PBX3: variants seen among roughly 807,000 people sequenced by gnomAD.
PBX3 encodes the protein PBX homeobox 3, also known as pre-B-cell leukemia transcription factor 3.
A neutral mutation model predicts 48.5 loss-of-function variants in PBX3; 14 were observed. The observed-to-expected ratio is 0.29, with a 90% confidence interval of 0.19 to 0.45. The LOEUF (loss-of-function observed/expected upper bound fraction) is 0.45, where lower values mean the gene tolerates loss of function less well. Among genes scored for constraint, PBX3 ranks in the 20% least tolerant of loss-of-function variants. The pLI is 1.00. For synonymous variants in PBX3, 210 were observed against 200.3 expected (o/e 1.05, Z -0.41); for missense variants, 386 against 546.7 (o/e 0.71, Z 2.93).
intron 2 of PBX3, among the ~76,000 whole-genome samples, chr9:125,773,813 T>A (rs566335991): frequency 6.6e-6 from 1 of 152,334 alleles, no homozygotes; most frequent in South Asian, 2.1e-4. Flanking sequence ...GCAGTGTATA[T>A]TTGTTCTATT....
intron 2 of PBX3, among the ~76,000 whole-genome samples, chr9:125,778,402 C>T (rs942478800): frequency 2.6e-5 from 4 of 151,994 alleles, no homozygotes; most frequent in Non-Finnish European, 4.4e-5. Context: ...GGATTACAGG[C>T]GCCTGCCACC....
Position 125,915,974 on chromosome 9 carries a change from C to T in PBX3, c.516+47C>T, listed in dbSNP as rs1285959976. 3.8e-6 allele frequency: 6 copies of T among 1,596,758 alleles called. No individual in the cohort carries two copies. In the Admixed American group the frequency reaches 8.4e-5, roughly 22 times the overall value. ...AGTCCTACACAAACCCTCTGTTGCTCTTCTATTAGACCATGCTAACCAATT... is the reference window on the plus strand; with the variant it reads ...AGTCCTACACAAACCCTCTGTTGCTTTTCTATTAGACCATGCTAACCAATT... On this transcript the variant is annotated intron_variant, in intron 3 of 8. Coordinates refer to ENST00000373489, the MANE Select transcript of PBX3 (RefSeq NM_006195.6).
chr9:125,893,296 A>G (rs1394966795), intron 2 of PBX3, among the ~76,000 whole-genome samples: 1 of 152,204 alleles, frequency 6.6e-6, no homozygotes, highest in Non-Finnish European at 1.5e-5. Flanking sequence ...TAACTGTTGC[A>G]TTTTACTTCT....
intron 2 of PBX3, among the ~76,000 whole-genome samples, chr9:125,790,566 ATAATT>A (rs1267152147): frequency 6.7e-6 from 1 of 149,846 alleles, no homozygotes; most frequent in Non-Finnish European, 1.5e-5. Flanking sequence ...CTATTTCTTT[ATAATT>A]TAATTTAATT....
chr9:125,850,241 C>T (rs1393263792), intron 2 of PBX3, among the ~76,000 whole-genome samples: 1 of 151,856 alleles, frequency 6.6e-6, no homozygotes, highest in Non-Finnish European at 1.5e-5. Flanking sequence ...CATCTATTTC[C>T]ACGAGAGTCT....
At chr9:125,818,834 G>T (rs867632147) in intron 2 of PBX3, among the ~76,000 whole-genome samples, 99 of 151,746 alleles carry the variant, frequency 6.5e-4, no homozygotes, top group South Asian at 1.9e-3. Context: ...TGATGATGAT[G>T]ATGATTATTA....
At chr9:125,802,366 T>TTTG (rs1837981925) in intron 2 of PBX3, among the ~76,000 whole-genome samples, 1 of 140,032 alleles carries the variant, frequency 7.1e-6, no homozygotes, top group Non-Finnish European at 1.5e-5. Flanking sequence ...TGCATTTTTT[T>TTTG]TTTTTTTTTT....
chr9:125,919,359 A>ATTTTTTTTTTTTTTTTT (rs34891465), intron 3 of PBX3, among the ~76,000 whole-genome samples: 6 of 102,752 alleles, frequency 5.8e-5, no homozygotes, highest in Non-Finnish European at 9.4e-5. Context: ...TGCCCGTCTA[A>ATTTTTTTTTTTTTTTTT]TTTTTTTTTT....
At chr9:125,903,024 A>G (rs1224120907) in intron 2 of PBX3, among the ~76,000 whole-genome samples, 3 of 151,796 alleles carry the variant, frequency 2.0e-5, no homozygotes, top group African/African-American at 7.2e-5. Flanking sequence ...TTTCCCCAAG[A>G]GGATTGAAAG....
chr9:125,942,746 T>A (rs931168180), intron 5 of PBX3, among the ~76,000 whole-genome samples: 1 of 152,192 alleles, frequency 6.6e-6, no homozygotes, highest in African/African-American at 2.4e-5. Context: ...ACAGACCCTC[T>A]GTTCTAAAAG....
intron 2 of PBX3, among the ~76,000 whole-genome samples, chr9:125,898,009 A>G (rs1480388367): frequency 6.6e-6 from 1 of 151,882 alleles, no homozygotes; most frequent in African/African-American, 2.4e-5. Flanking sequence ...CCATTTAAAT[A>G]TAGTAATCTA....
chr9:125,922,998 A>T (rs900348294), intron 3 of PBX3, among the ~76,000 whole-genome samples: 6 of 152,274 alleles, frequency 3.9e-5, no homozygotes, highest in Admixed American at 2.0e-4. Flanking sequence ...TTAATCATGT[A>T]TGAACTACTG....
intron 3 of PBX3, among the ~76,000 whole-genome samples, chr9:125,925,439 C>T (rs550273462): frequency 4.3e-4 from 65 of 151,802 alleles, no homozygotes; most frequent in African/African-American, 1.5e-3. Flanking sequence ...GTTTTTTTGT[C>T]TTTCTTTGTT....
At chr9:125,925,946 T>G (rs973014288) in intron 3 of PBX3, among the ~76,000 whole-genome samples, 2 of 152,204 alleles carry the variant, frequency 1.3e-5, no homozygotes, top group Non-Finnish European at 2.9e-5. Context: ...AGATTTTGGT[T>G]AACCCAGCAA....
At chr9:125,792,447 A>G (rs1446548109) in intron 2 of PBX3, among the ~76,000 whole-genome samples, 1 of 152,088 alleles carries the variant, frequency 6.6e-6, no homozygotes, top group Admixed American at 6.6e-5. Flanking sequence ...GAGATCAATT[A>G]AATAGGAAAT....
intron 2 of PBX3, among the ~76,000 whole-genome samples, chr9:125,785,992 A>G (rs1837448208): frequency 6.7e-6 from 1 of 150,084 alleles, no homozygotes; most frequent in South Asian, 2.2e-4. Context: ...TAAACCTTTG[A>G]CTATTTTCTA....
At chr9:125,901,477 C>T (rs1173215202) in intron 2 of PBX3, among the ~76,000 whole-genome samples, 1 of 151,612 alleles carries the variant, frequency 6.6e-6, no homozygotes, top group Non-Finnish European at 1.5e-5. Flanking sequence ...GTTACTAAGA[C>T]TTTGTTATGA....
chr9:125,952,400 C>G (rs1487881579), intron 5 of PBX3, among the ~76,000 whole-genome samples: 5 of 152,146 alleles, frequency 3.3e-5, no homozygotes, highest in African/African-American at 1.2e-4. Context: ...TAATTTTTCT[C>G]TTTTATTTAA....
At chr9:125,919,359 ATTTTTT>A (rs34891465) in intron 3 of PBX3, among the ~76,000 whole-genome samples, 1 of 102,752 alleles carries the variant, frequency 9.7e-6, no homozygotes, top group African/African-American at 3.8e-5. Context: ...TGCCCGTCTA[ATTTTTT>A]TTTTTTTTTT....
Sources: allele counts gnomAD v4.1 joint callset (sites outside exome capture counted in the v4.1 genomes callset), GRCh38; gene constraint gnomAD v4.1.1; transcripts MANE v1.5; gene names NCBI Gene and HGNC (gene_info 2026-07-23, HGNC 2026-07-21).